The following CD163L1 variants were observed in gnomAD, a reference collection of about 807,000 sequenced individuals.
CD163L1 encodes the protein scavenger receptor cysteine-rich type 1 protein M160.
Under a neutral mutation model 165.4 loss-of-function variants are expected in CD163L1, and 124 were observed. The ratio of observed to expected loss-of-function variants is 0.75; its 90% CI spans 0.65 to 0.87. CD163L1 has a LOEUF of 0.87. Among genes scored for constraint, CD163L1 ranks in the 40% least tolerant of loss-of-function variants. The pLI, the probability that CD163L1 is intolerant of heterozygous loss-of-function variation, is 0.00. For synonymous variants in CD163L1, 585 were observed against 662.2 expected, an observed-to-expected ratio of 0.88 and a Z score of 1.79; for missense variants, 1,525 against 1,799.9, an observed-to-expected ratio of 0.85 and a Z score of 2.76.
intron 4 of CD163L1, among the ~76,000 whole-genome samples, chr12:7,424,215 A>C (rs1948496384): frequency 1.3e-5 from 2 of 152,162 alleles, no homozygotes; most frequent in Admixed American, 6.5e-5. Flanking sequence ...AAACAGAACC[A>C]GTGACAGAAA....
chr12:7,439,244 T>C (rs1948781458), intron 2 of CD163L1: 1 of 1,569,932 alleles, frequency 6.4e-7, no homozygotes, highest in African/African-American at 1.4e-5. Context: ...TTTTTTGTTT[T>C]TCTATTTTCT....
chr12:7,421,426 TATGTAC>T (rs1286760688), intron 4 of CD163L1, among the ~76,000 whole-genome samples: 2 of 123,728 alleles, frequency 1.6e-5, no homozygotes, highest in East Asian at 2.5e-4. Flanking sequence ...TATATACATA[TATGTAC>T]ATATATACAT....
At chr12:7,392,852 C>A (rs1430790083) in intron 8 of CD163L1, among the ~76,000 whole-genome samples, 1 of 152,040 alleles carries the variant, frequency 6.6e-6, no homozygotes, top group Non-Finnish European at 1.5e-5. Context: ...ACACATACAC[C>A]CTCCCAAGAC....
At chr12:7,438,977 T>C in intron 2 of CD163L1, 1 of 1,604,240 alleles carries the variant, frequency 6.2e-7, no homozygotes, top group Admixed American at 1.7e-5. Context: ...CTCTCTAGTG[T>C]CCTCAACCTT....
At position 7,369,874 on chromosome 12, in the gene CD163L1, G is replaced by A. The variant is rs1238281783; in HGVS notation, c.3731-209C>T. ...GTGGTTTGTCCTAGTCACACTCAAG[G>A]GGTGAAACATCTCCAGCGAGGCCAA... On this transcript the variant is annotated intron_variant, in intron 14 of 19. Coordinates refer to ENST00000313599, the MANE Select transcript of CD163L1 (RefSeq NM_174941.6). The surrounding 1 kb of genome is among the most constrained non-coding windows in gnomAD (Gnocchi z 4.9). 6.6e-6 allele frequency among the ~76,000 whole-genome samples: 1 copy of A among 152,092 alleles called. No homozygotes were observed. The highest frequency in any genetic ancestry group is 1.5e-5 in the Non-Finnish European group (1 of 68,006).
At chr12:7,396,820 T>C (rs779218753) in intron 7 of CD163L1, among the ~76,000 whole-genome samples, 1 of 151,418 alleles carries the variant, frequency 6.6e-6, no homozygotes, top group South Asian at 2.1e-4. Context: ...TAAATCTCTG[T>C]CTCTCTCTCT....
chr12:7,381,349 G>A (rs1947404386), intron 8 of CD163L1, among the ~76,000 whole-genome samples: 1 of 152,092 alleles, frequency 6.6e-6, no homozygotes, highest in Non-Finnish European at 1.5e-5. Context: ...CCCACTTCCT[G>A]CCACTTATAA....
At chr12:7,413,977 T>A (rs1431473026) in intron 4 of CD163L1, among the ~76,000 whole-genome samples, 1 of 152,044 alleles carries the variant, frequency 6.6e-6, no homozygotes, top group Non-Finnish European at 1.5e-5. Context: ...GAAGGTTCAT[T>A]TTTTCCAAAG....
intron 2 of CD163L1, chr12:7,439,371 T>C (rs1312675080): frequency 4.4e-6 from 7 of 1,601,642 alleles, no homozygotes; most frequent in Non-Finnish European, 4.3e-6. Context: ...TAGTTCTTCT[T>C]TGGCTTCAGA....
chr12:7,323,495 A>T, the CD163L1 span: 3 of 1,613,972 alleles, frequency 1.9e-6, no homozygotes, highest in Non-Finnish European at 2.5e-6. Flanking sequence ...ACCACCTGGC[A>T]AAGAAGGGGA....
At chr12:7,408,242 A>G (rs1300301359) in intron 4 of CD163L1, among the ~76,000 whole-genome samples, 1 of 152,078 alleles carries the variant, frequency 6.6e-6, no homozygotes, top group Non-Finnish European at 1.5e-5. Flanking sequence ...ATAAATTAAC[A>G]AAGTAAAATT....
At chr12:7,328,522 A>G in the CD163L1 span, 4 of 480,710 alleles carry the variant, frequency 8.3e-6, no homozygotes, top group African/African-American at 8.2e-5. Flanking sequence ...TACTTAGCTA[A>G]AAAGTTTAAA....
At chr12:7,343,191 A>G (rs1471834231), downstream of CD163L1, among the ~76,000 whole-genome samples, 1 of 152,176 alleles carries the variant, frequency 6.6e-6, no homozygotes. Context: ...GGTTGTTTTG[A>G]GATGAAAGGA....
chr12:7,365,203 C>T (rs1946987582), intron 18 of CD163L1, among the ~76,000 whole-genome samples: 1 of 152,074 alleles, frequency 6.6e-6, no homozygotes, highest in Non-Finnish European at 1.5e-5. Flanking sequence ...ACTGGGAAAA[C>T]TGGATAACCA....
intron 9 of CD163L1, among the ~76,000 whole-genome samples, chr12:7,378,649 C>G (rs1428435408): frequency 6.6e-6 from 1 of 152,144 alleles, no homozygotes; most frequent in Non-Finnish European, 1.5e-5. Flanking sequence ...CCCAACACTT[C>G]TTCATATGAT....
At chr12:7,326,973 C>T in the CD163L1 span, 2 of 1,594,048 alleles carry the variant, frequency 1.3e-6, no homozygotes, top group Non-Finnish European at 1.7e-6. Context: ...TTTTCTGTTG[C>T]AGGTGGTGAA....
intron 19 of CD163L1, 121 bp from the exon 20 acceptor site, chr12:7,355,251 A>G (rs1025130481): frequency 6.6e-6 from 1 of 152,074 alleles, no homozygotes; most frequent in South Asian, 2.1e-4. Flanking sequence ...ACAACCCACA[A>G]AGAATTGATC....
At chr12:7,361,035 C>T (rs1311824931) in intron 18 of CD163L1, among the ~76,000 whole-genome samples, 2 of 152,098 alleles carry the variant, frequency 1.3e-5, no homozygotes, top group Non-Finnish European at 2.9e-5. Context: ...CAAGTTCTGT[C>T]TTACCATCTC....
At position 7,368,049 on chromosome 12, in the gene CD163L1, G is replaced by T. The variant is rs761994162; in HGVS notation, c.4183+38C>A. On this transcript the variant is annotated intron_variant, in intron 17 of 19. Transcript: ENST00000313599. This position sits in a 1 kb window ranked among gnomAD's most constrained non-coding sequence, Gnocchi z 4.3. ...CCATCCTGTGTGCCCTTGGTGGCAG[G>T]TAACTCACATTTTATACAATCCTAG... 3.3e-6 allele frequency: 4 copies of T among 1,196,524 alleles called. No homozygotes were observed. Among genetic ancestry groups the T allele is most frequent in the Non-Finnish European group, 5.0e-6 (4 of 803,586 alleles). 74.1% of individuals were successfully genotyped at this position (1,196,524 alleles called of 1,614,324 possible). A position where few individuals can be genotyped will look rare whatever the true frequency, so the allele number is the denominator to read the frequency against.
Sources: gnomAD v4.1 joint callset for allele counts (sites outside exome capture counted in the v4.1 genomes callset) on GRCh38, gnomAD v4.1.1 for gene constraint, Gnocchi (gnomAD v3.1) non-coding constraint, MANE v1.5 for transcripts, NCBI Gene and HGNC (gene_info 2026-07-23, HGNC 2026-07-21) for gene names.